FZD4: variants seen among roughly 807,000 people sequenced by gnomAD.
FZD4 encodes frizzled class receptor 4.
FZD4 carries 16 observed loss-of-function variants against 37.3 expected under a neutral mutation model. The observed-to-expected ratio is 0.43, with a 90% CI of 0.29 to 0.65. The LOEUF (loss-of-function observed/expected upper bound fraction) is 0.65, where lower values mean the gene tolerates loss of function less well. FZD4 is among the 30% of genes least tolerant of loss of function. The pLI, the probability that FZD4 is intolerant of heterozygous loss-of-function variation, is 0.16. For missense variants in FZD4, 599 were observed against 674.3 expected, an observed-to-expected ratio of 0.89 and a Z score of 1.24; for synonymous variants, 246 against 254.8, an observed-to-expected ratio of 0.97 and a Z score of 0.33.
Position 86,952,426 on chromosome 11 carries a change from G to C in FZD4, c.330C>G (p.Ile110Met), listed in dbSNP as rs370591370. 4.6e-5 allele frequency: 74 copies of C among 1,613,838 alleles called. No individual in the cohort carries two copies. The highest frequency in any genetic ancestry group is 6.2e-5 in the Non-Finnish European group (73 of 1,179,920). The part of the protein sequence containing the change: ...SVYVPMCTEK[I>M]NIPIGPCGGM... ...CGCCGCATGGGCCAATGGGGATGTT[G>C]ATCTTCTCTGTGCACATTGGCACAT... The change falls in exon 2 of 2, where the codon ATC (isoleucine) becomes ATG (methionine). Residue 110 changes from isoleucine to methionine, a missense_variant. By Grantham distance (10) the Ile-to-Met change is conservative. This residue lies in a region of FZD4 where 357 missense variants were observed against 396.1 expected (regional missense o/e 0.90). Transcript: ENST00000531380.
Position 86,955,151 on chromosome 11 carries a change from G to T in FZD4, c.-66C>A, listed in dbSNP as rs372346926. The T allele has an allele frequency of 4.0e-6, 5 of 1,259,694 alleles. No homozygotes were observed. In the African/African-American group the frequency reaches 4.8e-5, roughly 12 times the overall value. The allele number at this position is 1,259,694 out of a possible 1,614,324, so 78.0% of individuals were successfully genotyped here. A position where few individuals can be genotyped will look rare whatever the true frequency, so the allele number is the denominator to read the frequency against. ...TCTGGCAGACACCCCCAGTTTGCACGGGGGCGCCGGCTGCCCGCGCTGCTC... is the reference window on the plus strand; with the variant it reads ...TCTGGCAGACACCCCCAGTTTGCACTGGGGCGCCGGCTGCCCGCGCTGCTC... On this transcript the variant is annotated 5_prime_UTR_variant, in exon 1 of 2. Transcript: ENST00000531380.
chr11:86,954,673 G>A, intron 1 of FZD4, 128 bp downstream of exon 1: 2 of 1,440,788 alleles, frequency 1.4e-6, no homozygotes, highest in Admixed American at 5.4e-5. Context: ...GGTGGGGATG[G>A]AAATCACTTT....
intron 1 of FZD4, among the ~76,000 whole-genome samples, chr11:86,953,257 T>C (rs977217097): frequency 1.3e-5 from 2 of 152,188 alleles, no homozygotes; most frequent in African/African-American, 4.8e-5. Context: ...TTTTCCAGCA[T>C]GTAAAGGGAT....
chr11:86,952,408 T>C lies in FZD4; in HGVS notation c.348A>G (p.Pro116=), dbSNP rs144036448. 1 of 1,614,148 alleles carries C rather than the reference T, an allele frequency of 6.2e-7. No homozygotes were observed. The highest frequency in any genetic ancestry group is 1.6e-4 in the Middle Eastern group (1 of 6,062). ...TGACTGAAAGACACATGCCGCCGCA[T>C]GGGCCAATGGGGATGTTGATCTTCT... The part of the protein sequence containing the change: ...CTEKINIPIG[P]CGGMCLSVKR... The change falls in exon 2 of 2, where the codon CCA becomes CCG. Residue 116 remains proline (P), a synonymous_variant. Coordinates refer to ENST00000531380, the MANE Select transcript of FZD4 (RefSeq NM_012193.4).
At position 86,946,803 on chromosome 11, in the gene FZD4, AC is replaced by A. The variant is rs1949246473; in HGVS notation, c.*4338del. 1 of 152,426 alleles carries A rather than the reference AC, an allele frequency of 6.6e-6. No homozygotes were observed. The allele number at this position is 152,426 out of a possible 1,614,324, so 9.4% of individuals were successfully genotyped here. A position where few individuals can be genotyped will look rare whatever the true frequency, so the allele number is the denominator to read the frequency against. ...CTCTAAACTCAAATAAAATAAAGGA[AC>A]CAATAGGATTTTCAGAGTCCAGTGA... On this transcript the variant is annotated 3_prime_UTR_variant, in exon 2 of 2. Transcript: ENST00000531380.
rs779471979 is a variant in FZD4 at position 86,951,598 on chromosome 11, G to A, written c.1158C>T (p.Ala386=). The change falls in exon 2 of 2, where the codon GCC becomes GCT. Residue 386 remains alanine, a synonymous_variant. Transcript: ENST00000531380. ...LCYVGNQNLD[A]LTGFVVAPLF... is the part of the protein sequence containing the mutation. Reference sequence around the variant, plus strand: ...GGGGAGCCACCACGAACCCGGTGAGGGCATCGAGATTTTGGTTTCCAACAT... The same window carrying A: ...GGGGAGCCACCACGAACCCGGTGAGAGCATCGAGATTTTGGTTTCCAACAT... 130 of 1,613,944 alleles carry A rather than the reference G, an allele frequency of 8.1e-5. No individual in the cohort carries two copies. Among genetic ancestry groups the A allele is most frequent in the Non-Finnish European group, 1.1e-4 (124 of 1,179,988 alleles).
chr11:86,954,989 G>A lies in FZD4; in HGVS notation c.97C>T (p.Pro33Ser), dbSNP rs61735304. ...TCCTCGTCCCCGAAGCCCCGCGCCGGCCCCAGGAGCAGCAGCAACTGCAGG... is the reference window on the plus strand; with the variant it reads ...TCCTCGTCCCCGAAGCCCCGCGCCGACCCCAGGAGCAGCAGCAACTGCAGG... ...LLLQLLLLLGPARGFGDEEER... is the reference protein window; with the variant it reads ...LLLQLLLLLGSARGFGDEEER... The change falls in exon 1 of 2, where the codon CCG (proline) becomes TCG (serine). Residue 33 changes from proline (P) to serine (S), a missense_variant. Around this residue, in one of 3 missense-constraint regions of FZD4, gnomAD observed 357 missense variants for 396.1 expected, o/e 0.90. Coordinates refer to ENST00000531380, the MANE Select transcript of FZD4 (RefSeq NM_012193.4). 27,982 of 1,612,504 alleles carry A rather than the reference G, an allele frequency of 0.017. 322 individuals carry two copies. Among genetic ancestry groups the A allele is most frequent in the Admixed American group, 0.037 (2,239 of 59,984 alleles).
rs1439121080 is a variant in FZD4, at chr11:86,948,969, G to A, written c.*2173C>T. ...GCTCTGCCCCTGGGTGCGTGCTCCA[G>A]GGCCGTGGACAGTTATGGGAACTGT... On this transcript the variant is annotated 3_prime_UTR_variant, in exon 2 of 2. Coordinates refer to ENST00000531380, the MANE Select transcript of FZD4 (RefSeq NM_012193.4). 1 of 152,688 alleles carries A rather than the reference G, an allele frequency of 6.5e-6. No homozygotes were observed. Among genetic ancestry groups the A allele is most frequent in the African/African-American group, 2.4e-5 (1 of 41,464 alleles). The allele number at this position is 152,688 out of a possible 1,614,324, so 9.5% of individuals were successfully genotyped here.
Position 86,951,125 on chromosome 11 carries a change from A to T in FZD4, c.*17T>A, listed in dbSNP as rs373872905. The T allele has an allele frequency of 3.7e-6, 6 of 1,612,910 alleles. No homozygotes were observed. Among genetic ancestry groups the T allele is most frequent in the Non-Finnish European group, 5.1e-6 (6 of 1,178,932 alleles). On this transcript the variant is annotated 3_prime_UTR_variant, in exon 2 of 2. Transcript: ENST00000531380. ...TTCCCCCCTTCAAAATGAAGAAAGCATGGAGGCTGACTAGCCTTATACCAC... is the reference window on the plus strand; with the variant it reads ...TTCCCCCCTTCAAAATGAAGAAAGCTTGGAGGCTGACTAGCCTTATACCAC...
chr11:86,954,680 C>T, intron 1 of FZD4, 121 bp downstream of exon 1: 1 of 1,441,878 alleles, frequency 6.9e-7, no homozygotes. Flanking sequence ...ATGGAAATCA[C>T]TTTTCCAGGA....
chr11:86,953,212 ATGT>A (rs1365639912), intron 1 of FZD4, among the ~76,000 whole-genome samples: 4 of 152,128 alleles, frequency 2.6e-5, no homozygotes, highest in Non-Finnish European at 5.9e-5. Context: ...CTCCTTACAG[ATGT>A]TGTCTATGAA....
Position 86,951,936 on chromosome 11 carries a change from T to C in FZD4, c.820A>G (p.Thr274Ala). Residue 274 changes from threonine to alanine, a missense_variant, in exon 2 of 2, where the codon ACT (threonine) becomes GCT (alanine). Physicochemically the swap from Thr to Ala is moderately conservative, Grantham distance 58. This residue lies in a region of FZD4 where 357 missense variants were observed against 396.1 expected (regional missense o/e 0.90). Transcript: ENST00000531380. The stretch of plus-strand genomic sequence containing the variant: ...CAGGATATCCTTTCCCGGCCTACAG[T>C]CAGCCTGACAATATAAGCAATGCTA... The part of the protein sequence containing the change: ...IYSIAYIVRL[T>A]VGRERISCDF... 6.2e-7 allele frequency: 1 copy of C among 1,613,904 alleles called. No individual in the cohort carries two copies. Among genetic ancestry groups the C allele is most frequent in the Non-Finnish European group, 8.5e-7 (1 of 1,179,880 alleles).
chr11:86,949,949 T>C lies in FZD4; in HGVS notation c.*1193A>G, dbSNP rs1294244820. ...CTTTATAAAACTGAAAAAGTCTCCA[T>C]TGTCCTAAGTAGACCAGATTCTGAT... On this transcript the variant is annotated 3_prime_UTR_variant, in exon 2 of 2. Coordinates refer to ENST00000531380, the MANE Select transcript of FZD4 (RefSeq NM_012193.4). The C allele has an allele frequency of 6.6e-6, 1 of 152,506 alleles. No individual in the cohort carries two copies. Among genetic ancestry groups the C allele is most frequent in the African/African-American group, 2.4e-5 (1 of 41,462 alleles). The allele number at this position is 152,506 out of a possible 1,614,324, so 9.4% of individuals were successfully genotyped here.
Position 86,950,111 on chromosome 11 carries a change from T to C in FZD4, c.*1031A>G, listed in dbSNP as rs1288901966. 2.0e-5 allele frequency: 3 copies of C among 152,598 alleles called. No individual in the cohort carries two copies. Among genetic ancestry groups the C allele is most frequent in the Non-Finnish European group, 2.9e-5 (2 of 68,038 alleles). 9.5% of individuals were successfully genotyped at this position (152,598 alleles called of 1,614,324 possible). A position where few individuals can be genotyped will look rare whatever the true frequency, so the allele number is the denominator to read the frequency against. ...TCCAACAATGTGCTTTTAATTGTAA[T>C]TGACACACAAAAATTACACAGCTAA... On this transcript the variant is annotated 3_prime_UTR_variant, in exon 2 of 2. Transcript: ENST00000531380.
intron 1 of FZD4, chr11:86,954,347 TCAG>T (rs1463453199): frequency 2.0e-6 from 2 of 985,204 alleles, no homozygotes; most frequent in African/African-American, 3.5e-5. Flanking sequence ...AAGGGGCTAT[TCAG>T]CAGAAAAAGG....
chr11:86,951,016 G>GGTCAACTTAATT lies in FZD4; in HGVS notation c.*125_*126insAATTAAGTTGAC. 1 of 1,018,730 alleles carries GGTCAACTTAATT rather than the reference G, an allele frequency of 9.8e-7. No homozygotes were observed. The highest frequency in any genetic ancestry group is 1.5e-6 in the Non-Finnish European group (1 of 648,544). 63.1% of individuals were successfully genotyped at this position (1,018,730 alleles called of 1,614,324 possible). On this transcript the variant is annotated 3_prime_UTR_variant, in exon 2 of 2. Transcript: ENST00000531380. ...CGGGGTGGGAGGCAGTGGGTTGACGGGGGTCACTTAATTGTTGCTAGTTTG... is the reference window on the plus strand; with the variant it reads ...CGGGGTGGGAGGCAGTGGGTTGACGGGTCAACTTAATTGGGTCACTTAATTGTTGCTAGTTTG...
At chr11:86,953,998 C>T (rs1422061385) in intron 1 of FZD4, among the ~76,000 whole-genome samples, 1 of 152,182 alleles carries the variant, frequency 6.6e-6, no homozygotes, top group Non-Finnish European at 1.5e-5. Context: ...AAAAATCACC[C>T]AGCCTCACCA....
rs1365763021 is a variant in FZD4, at chr11:86,949,990, T to TA, written c.*1151dup. ...AGATTCTGATAACATTCTTATGCTT[T>TA]AAAAAATAAAAAAATTTTTAAAGGC... On this transcript the variant is annotated 3_prime_UTR_variant, in exon 2 of 2. Transcript: ENST00000531380. 6.6e-6 allele frequency: 1 copy of TA among 152,290 alleles called. No individual in the cohort carries two copies. The highest frequency in any genetic ancestry group is 1.5e-5 in the Non-Finnish European group (1 of 68,038). The allele number at this position is 152,290 out of a possible 1,614,324, so 9.4% of individuals were successfully genotyped here.
intron 1 of FZD4, among the ~76,000 whole-genome samples, chr11:86,953,617 C>A (rs914347219): frequency 6.6e-6 from 1 of 151,774 alleles, no homozygotes; most frequent in Admixed American, 6.6e-5. Context: ...GATTTCTTTT[C>A]TTTTCTTTTT....
Sources: gnomAD v4.1 joint callset for allele counts (sites outside exome capture counted in the v4.1 genomes callset) on GRCh38, gnomAD v4.1.1 for gene constraint, gnomAD v4.1.1 regional missense constraint, MANE v1.5 for transcripts, NCBI Gene and HGNC (gene_info 2026-07-23, HGNC 2026-07-21) for gene names.